TANGO6: variants seen among roughly 807,000 people sequenced by gnomAD.
TANGO6 encodes the protein transport and Golgi organization protein 6 homolog.
In TANGO6, 90 loss-of-function variants were observed where a neutral mutation model predicts 114.2. That is an observed-to-expected ratio of 0.79 (90% confidence interval 0.66 to 0.94). The LOEUF (loss-of-function observed/expected upper bound fraction) is 0.94. TANGO6 is among the 40% of genes least tolerant of loss of function. The probability of loss-of-function intolerance (pLI) is 0.00; values close to 1 mark genes in which losing one functional copy is unlikely to be tolerated. For missense variants in TANGO6, 1,274 were observed against 1,315.3 expected (o/e 0.97, Z 0.49); for synonymous variants, 477 against 509.8 (o/e 0.94, Z 0.87).
At position 68,877,615 on chromosome 16, in the gene TANGO6, T is replaced by A. The variant is rs531065454; in HGVS notation, c.1132-503T>A. Among the ~76,000 whole-genome samples, 48 of 148,744 alleles carry A rather than the reference T, an allele frequency of 3.2e-4. No individual in the cohort carries two copies. The South Asian group carries it at 4.7e-3, about 14-fold the overall frequency. The stretch of plus-strand genomic sequence containing the variant: ...AAGTATGAGAGGTGGGCAAAAAAAA[T>A]TTTTTTTTTTGAGATGGAGTCTCGC... On this transcript the variant is annotated intron_variant, in intron 5 of 17. Transcript: ENST00000261778.
intron 15 of TANGO6, among the ~76,000 whole-genome samples, chr16:68,983,847 C>T (rs1411891704): frequency 6.6e-6 from 1 of 151,988 alleles, no homozygotes; most frequent in Non-Finnish European, 1.5e-5. Flanking sequence ...TCCTGGCTAA[C>T]ACGGTGAAAC....
intron 7 of TANGO6, among the ~76,000 whole-genome samples, chr16:68,880,910 A>G (rs1253979906): frequency 6.6e-6 from 1 of 152,078 alleles, no homozygotes; most frequent in Non-Finnish European, 1.5e-5. Context: ...TTTCACTTTG[A>G]AAACCAGAAA....
rs142254866 is a variant in TANGO6, at chr16:69,072,083, CGT to C, written c.3109-11387_3109-11386del. On this transcript the variant is annotated intron_variant, in intron 17 of 17. Transcript: ENST00000261778. ...TGTGTGTGTGTAGAGAGAGGGAGAC[CGT>C]GTGTGTGTGTGTGTATGTGTGAAGA... 1.4e-3 allele frequency among the ~76,000 whole-genome samples: 92 copies of C among 64,980 alleles called. 2 individuals are homozygous for C. The highest frequency in any genetic ancestry group is 3.9e-3 in the African/African-American group (62 of 16,064). The allele number at this position is 64,980 out of a possible 152,430, so 42.6% of individuals were successfully genotyped here.
intron 14 of TANGO6, among the ~76,000 whole-genome samples, chr16:68,967,940 A>G (rs1963661930): frequency 6.6e-6 from 1 of 152,154 alleles, no homozygotes; most frequent in Admixed American, 6.5e-5. Context: ...ACGCTGTGGG[A>G]TCATCTTGAA....
In TANGO6 at chr16:68,974,135, G is replaced by T; in HGVS notation, c.2809G>T (p.Gly937Trp). Residue 937 changes from glycine to tryptophan, a missense_variant, in exon 15 of 18, where the codon GGG becomes TGG. Physicochemically the swap from Gly to Trp is radical, Grantham distance 184 (BLOSUM62 -2). Transcript: ENST00000261778. ...KHTPETRMKVGEVLMRIVRAL... is the reference protein window; with the variant it reads ...KHTPETRMKVWEVLMRIVRAL... ...CACACCAGAGACCAGAATGAAAGTCGGGGAAGTCCTTATGCGAATCGTCAG... is the reference window on the plus strand; with the variant it reads ...CACACCAGAGACCAGAATGAAAGTCTGGGAAGTCCTTATGCGAATCGTCAG... 6.2e-7 allele frequency: 1 copy of T among 1,613,910 alleles called. No individual in the cohort carries two copies.
intron 14 of TANGO6, among the ~76,000 whole-genome samples, chr16:68,968,668 C>CTTT: frequency 1.6e-5 from 2 of 124,570 alleles, no homozygotes; most frequent in African/African-American, 6.6e-5. Context: ...CCCAGCCTAG[C>CTTT]ATTTTTTTTT....
At chr16:68,939,347 G>A (rs999963805) in intron 14 of TANGO6, among the ~76,000 whole-genome samples, 30 of 151,926 alleles carry the variant, frequency 2.0e-4, no homozygotes, top group Non-Finnish European at 3.8e-4. Flanking sequence ...CCAAGATCGC[G>A]CCATTGCACT....
chr16:68,938,141 A>G (rs956313862), intron 14 of TANGO6, among the ~76,000 whole-genome samples: 4 of 152,224 alleles, frequency 2.6e-5, no homozygotes, highest in African/African-American at 9.6e-5. Context: ...TCGAGGTAAA[A>G]TAAAGTATAA....
chr16:69,076,448 A>G (rs972697940), intron 17 of TANGO6, among the ~76,000 whole-genome samples: 14 of 152,166 alleles, frequency 9.2e-5, no homozygotes, highest in Non-Finnish European at 1.9e-4. Context: ...TTTACTGATA[A>G]GAAAGGACTG....
At chr16:68,875,825 T>G (rs1186519932) in intron 5 of TANGO6, among the ~76,000 whole-genome samples, 1 of 152,110 alleles carries the variant, frequency 6.6e-6, no homozygotes, top group African/African-American at 2.4e-5. Context: ...CAGCTTGCTC[T>G]CAGAGCTAGA....
intron 7 of TANGO6, among the ~76,000 whole-genome samples, chr16:68,883,187 ACT>A (rs572182152): frequency 5.3e-5 from 8 of 151,996 alleles, no homozygotes; most frequent in Non-Finnish European, 8.8e-5. Flanking sequence ...ACAGAGCAAG[ACT>A]CTGCCTCAAA....
intron 11 of TANGO6, among the ~76,000 whole-genome samples, chr16:68,916,113 A>G (rs916849703): frequency 6.6e-6 from 1 of 152,194 alleles, no homozygotes; most frequent in African/African-American, 2.4e-5. Flanking sequence ...TGCTATATAA[A>G]ATCTTGTCTA....
intron 11 of TANGO6, among the ~76,000 whole-genome samples, chr16:68,914,357 T>C (rs1962969991): frequency 6.6e-6 from 1 of 152,124 alleles, no homozygotes; most frequent in Non-Finnish European, 1.5e-5. Flanking sequence ...AGATGGTGTT[T>C]CTCCATGCTG....
intron 3 of TANGO6, among the ~76,000 whole-genome samples, chr16:68,863,587 G>T (rs145309972): frequency 1.3e-4 from 20 of 152,148 alleles, no homozygotes; most frequent in Non-Finnish European, 2.9e-4. Flanking sequence ...TCCAGTCTGG[G>T]CAACAAGAGT....
chr16:68,900,527 CAG>C lies in TANGO6; in HGVS notation c.1474_1475del (p.Ser492CysfsTer48). The stretch of plus-strand genomic sequence containing the variant: ...TTTTCTTCTCTACTGTTTTACTAAG[CAG>C]AGTGTGTCTCACATAAGGTAAACAA... ...VLFLLYCFTK[Q>X]SVSHIRSLCQ... On this transcript the variant is annotated frameshift_variant, in exon 8 of 18. Transcript: ENST00000261778. LOFTEE classifies it high-confidence loss of function. The C allele has an allele frequency of 6.2e-7, 1 of 1,613,314 alleles. No individual in the cohort carries two copies. The highest frequency in any genetic ancestry group is 8.5e-7 in the Non-Finnish European group (1 of 1,179,286).
At chr16:68,900,696 C>A in intron 8 of TANGO6, 150 bp downstream of exon 8, 1 of 696,062 alleles carries the variant, frequency 1.4e-6, no homozygotes, top group Non-Finnish European at 2.4e-6. Context: ...CTATTTTGCT[C>A]ATCTAGAAGA....
intron 15 of TANGO6, among the ~76,000 whole-genome samples, chr16:68,992,886 T>C (rs576347083): frequency 1.3e-5 from 2 of 151,984 alleles, no homozygotes; most frequent in Non-Finnish European, 2.9e-5. Flanking sequence ...TTGACCAATA[T>C]AGTGAAACCC....
In TANGO6 at chr16:68,878,190, A is replaced by G. The variant is rs766591525; in HGVS notation, c.1204A>G (p.Ile402Val). ...QFQRVATTTFITLSRERPHLA... is the reference protein window; with the variant it reads ...QFQRVATTTFVTLSRERPHLA... Reference sequence around the variant, plus strand: ...TCAGAGAGTTGCCACCACTACCTTTATAACTTTGTCAAGAGAACGCCCACA... The same window carrying G: ...TCAGAGAGTTGCCACCACTACCTTTGTAACTTTGTCAAGAGAACGCCCACA... The change falls in exon 6 of 18, where the codon ATA (isoleucine) becomes GTA (valine). Residue 402 changes from isoleucine (I) to valine (V), a missense_variant. Physicochemically the swap from Ile to Val is conservative, Grantham distance 29. Around this residue, in one of 5 missense-constraint regions of TANGO6, gnomAD observed 908 missense variants for 910.2 expected, o/e 1.00. Coordinates refer to ENST00000261778, the MANE Select transcript of TANGO6 (RefSeq NM_024562.2). The G allele has an allele frequency of 6.2e-7, 1 of 1,613,516 alleles. No individual in the cohort carries two copies. Among genetic ancestry groups the G allele is most frequent in the South Asian group, 1.1e-5 (1 of 90,912 alleles).
intron 4 of TANGO6, among the ~76,000 whole-genome samples, chr16:68,869,240 T>C (rs1163726634): frequency 6.6e-6 from 1 of 152,196 alleles, no homozygotes; most frequent in Non-Finnish European, 1.5e-5. Context: ...TCCCAACACT[T>C]TGGGAGGCCA....
Sources: gnomAD v4.1 joint callset for allele counts (sites outside exome capture counted in the v4.1 genomes callset) on GRCh38, gnomAD v4.1.1 for gene constraint, gnomAD v4.1.1 regional missense constraint, MANE v1.5 for transcripts, NCBI Gene and HGNC (gene_info 2026-07-23, HGNC 2026-07-21) for gene names.